NOL12: variants seen among roughly 807,000 people sequenced by gnomAD.
NOL12 encodes nucleolar protein 12.
A neutral mutation model predicts 25.2 loss-of-function variants in NOL12; 21 were observed. The observed-to-expected ratio is 0.83, with a 90% CI of 0.59 to 1.20. The LOEUF (loss-of-function observed/expected upper bound fraction) is 1.20, where lower values mean the gene tolerates loss of function less well. NOL12 is among the 50% of genes most tolerant of loss of function. NOL12 has a pLI of 0.00. For missense variants in NOL12, 286 were observed against 287.6 expected, an observed-to-expected ratio of 0.99 and a Z score of 0.04; for synonymous variants, 133 against 113.8, an observed-to-expected ratio of 1.17 and a Z score of -1.08.
Position 37,691,540 on chromosome 22 carries a change from A to C in NOL12, c.*204A>C. 1 of 586,074 alleles carries C rather than the reference A, an allele frequency of 1.7e-6. No homozygotes were observed. The highest frequency in any genetic ancestry group is 2.8e-6 in the Non-Finnish European group (1 of 363,020). The allele number at this position is 586,074 out of a possible 1,614,324, so 36.3% of individuals were successfully genotyped here. A position where few individuals can be genotyped will look rare whatever the true frequency, so the allele number is the denominator to read the frequency against. Reference sequence around the variant, plus strand: ...GGTTTGAATTCCCGAAGGAGCAGGCAGCTGAGAGCAGGCCTCCCCCAGGAA... The same window carrying C: ...GGTTTGAATTCCCGAAGGAGCAGGCCGCTGAGAGCAGGCCTCCCCCAGGAA... On this transcript the variant is annotated 3_prime_UTR_variant, in exon 6 of 6. Transcript: ENST00000359114.
intron 2 of NOL12, 91 bp downstream of exon 2, chr22:37,688,106 G>T: frequency 1.6e-6 from 2 of 1,231,444 alleles, no homozygotes; most frequent in Non-Finnish European, 2.3e-6. Context: ...CTGGCATGGG[G>T]CGATGTGTGT....
At position 37,692,363 on chromosome 22, in the gene NOL12, A is replaced by AT. The variant is rs1922108814; in HGVS notation, c.*1027_*1028insT. On this transcript the variant is annotated 3_prime_UTR_variant, in exon 6 of 6. Transcript: ENST00000359114. ...CGTTGTGACCTTGTCTCAAAAAAAA[A>AT]CTAAAAAATAAAGCAGTTGCATCTT... is the stretch of plus-strand genomic sequence containing the variant. The AT allele has an allele frequency of 2.5e-6, 1 of 397,548 alleles. No individual in the cohort carries two copies. Among genetic ancestry groups the AT allele is most frequent in the Non-Finnish European group, 4.4e-6 (1 of 225,920 alleles). The allele number at this position is 397,548 out of a possible 1,614,324, so 24.6% of individuals were successfully genotyped here.
intron 1 of NOL12, chr22:37,686,757 C>G (rs557280444): frequency 2.0e-6 from 2 of 985,468 alleles, no homozygotes; most frequent in African/African-American, 3.5e-5. Context: ...CCAGCCCAGT[C>G]CATCGGTCCG....
Position 37,692,476 on chromosome 22 carries a change from A to G in NOL12, c.*1140A>G. 2 of 398,712 alleles carry G rather than the reference A, an allele frequency of 5.0e-6. No individual in the cohort carries two copies. Among genetic ancestry groups the G allele is most frequent in the Non-Finnish European group, 8.8e-6 (2 of 226,116 alleles). The allele number at this position is 398,712 out of a possible 1,614,324, so 24.7% of individuals were successfully genotyped here. Reference sequence around the variant, plus strand: ...GGGGCCATGTCTTCACACTCCTTCCAGATGGATGAGTTGATGGAAACCCTG... The same window carrying G: ...GGGGCCATGTCTTCACACTCCTTCCGGATGGATGAGTTGATGGAAACCCTG... On this transcript the variant is annotated 3_prime_UTR_variant, in exon 6 of 6. Coordinates refer to ENST00000359114, the MANE Select transcript of NOL12 (RefSeq NM_024313.3).
In NOL12 at chr22:37,691,663, C is replaced by T. The variant is rs1452100774; in HGVS notation, c.*327C>T. 2 of 225,830 alleles carry T rather than the reference C, an allele frequency of 8.9e-6. No homozygotes were observed. The highest frequency in any genetic ancestry group is 1.7e-5 in the Non-Finnish European group (2 of 120,010). 14.0% of individuals were successfully genotyped at this position (225,830 alleles called of 1,614,324 possible). ...TGTGATTTGTTTGTCCTTGATACCA[C>T]GCACAAGGGCAGGTTTTTGGGGTGG... On this transcript the variant is annotated 3_prime_UTR_variant, in exon 6 of 6. Coordinates refer to ENST00000359114, the MANE Select transcript of NOL12 (RefSeq NM_024313.3).
intron 2 of NOL12, 103 bp downstream of exon 2, chr22:37,688,118 T>G: frequency 8.9e-7 from 1 of 1,126,968 alleles, no homozygotes; most frequent in African/African-American, 1.5e-5. Context: ...GATGTGTGTG[T>G]GGGCAGGACT....
At position 37,692,875 on chromosome 22, in the gene NOL12, A is replaced by G. The variant is rs1306728442; in HGVS notation, c.*1539A>G. On this transcript the variant is annotated 3_prime_UTR_variant, in exon 6 of 6. Coordinates refer to ENST00000359114, the MANE Select transcript of NOL12 (RefSeq NM_024313.3). ...TGGGCAGGCCCTCTCCCATGTCACC[A>G]TCAAAACCCACTGATGAAGGCTGGT... is the stretch of plus-strand genomic sequence containing the variant. 1.3e-5 allele frequency: 5 copies of G among 396,566 alleles called. No individual in the cohort carries two copies. In the Admixed American group the frequency reaches 1.8e-4, roughly 14 times the overall value. The allele number at this position is 396,566 out of a possible 1,614,324, so 24.6% of individuals were successfully genotyped here.
chr22:37,688,112 T>C, intron 2 of NOL12, 97 bp downstream of exon 2: 6 of 1,175,838 alleles, frequency 5.1e-6, no homozygotes, highest in Non-Finnish European at 7.4e-6. Context: ...TGGGGCGATG[T>C]GTGTGTGGGC....
At position 37,687,891 on chromosome 22, in the gene NOL12, G is replaced by C; in HGVS notation, c.84-19G>C. 1.3e-6 allele frequency: 2 copies of C among 1,546,368 alleles called. No homozygotes were observed. Among genetic ancestry groups the C allele is most frequent in the South Asian group, 2.4e-5 (2 of 83,996 alleles). ...CTTGTATAATGACTCTCCTGTCTCT[G>C]CCGGCTTCCTTCCTGTAGGGAGTAC... On this transcript the variant is annotated intron_variant, in intron 1 of 5. Coordinates refer to ENST00000359114, the MANE Select transcript of NOL12 (RefSeq NM_024313.3).
intron 4 of NOL12, 33 bp from the exon 5 acceptor site, chr22:37,690,664 C>T: frequency 1.9e-6 from 3 of 1,546,264 alleles, no homozygotes; most frequent in Non-Finnish European, 2.7e-6. Context: ...CCAGCTACTG[C>T]TCCATGTAAG....
intron 2 of NOL12, 37 bp from the exon 3 acceptor site, chr22:37,688,275 G>A (rs1332135540): frequency 6.2e-7 from 1 of 1,608,482 alleles, no homozygotes; most frequent in Non-Finnish European, 8.5e-7. Flanking sequence ...GGACTGAGAG[G>A]CCATACTCAC....
rs760010481 is a variant in NOL12, at chr22:37,686,354, A to G, written c.-39A>G. On this transcript the variant is annotated 5_prime_UTR_variant, in exon 1 of 6. Coordinates refer to ENST00000359114, the MANE Select transcript of NOL12 (RefSeq NM_024313.3). ...GGGAGGATGAGTACGCTACACCCGG[A>G]AGTGTCTTCAGGGAGAGGAAGCCGG... The G allele has an allele frequency of 1.3e-6, 2 of 1,564,796 alleles. No homozygotes were observed. The highest frequency in any genetic ancestry group is 1.7e-6 in the Non-Finnish European group (2 of 1,158,920).
Position 37,688,864 on chromosome 22 carries a change from C to A in NOL12, c.253C>A (p.Leu85Met), listed in dbSNP as rs923568409. 3 of 1,613,960 alleles carry A rather than the reference C, an allele frequency of 1.9e-6. No homozygotes were observed. In the African/African-American group the frequency reaches 4.0e-5, roughly 22 times the overall value. ...CACCCCCACAGAGGAGGCAGATGAGCTGGACCGGTTGGTGACAGCAAAGAC... is the reference window on the plus strand; with the variant it reads ...CACCCCCACAGAGGAGGCAGATGAGATGGACCGGTTGGTGACAGCAAAGAC... Reference protein sequence around the residue: ...REEALEEADELDRLVTAKTES... With the variant: ...REEALEEADEMDRLVTAKTES... Residue 85 changes from leucine to methionine, a missense_variant, in exon 4 of 6, where the codon CTG becomes ATG. Transcript: ENST00000359114.
rs1222261532 is a variant in NOL12, at chr22:37,692,364, C to A, written c.*1028C>A. 2.3e-5 allele frequency: 9 copies of A among 397,116 alleles called. No individual in the cohort carries two copies. The East Asian group carries it at 3.2e-4, about 14-fold the overall frequency. 24.6% of individuals were successfully genotyped at this position (397,116 alleles called of 1,614,324 possible). On this transcript the variant is annotated 3_prime_UTR_variant, in exon 6 of 6. Coordinates refer to ENST00000359114, the MANE Select transcript of NOL12 (RefSeq NM_024313.3). Reference sequence around the variant, plus strand: ...GTTGTGACCTTGTCTCAAAAAAAAACTAAAAAATAAAGCAGTTGCATCTTG... The same window carrying A: ...GTTGTGACCTTGTCTCAAAAAAAAAATAAAAAATAAAGCAGTTGCATCTTG...
Position 37,691,460 on chromosome 22 carries a change from AC to A in NOL12, c.*126del, listed in dbSNP as rs1172105059. Reference sequence around the variant, plus strand: ...CACAGCTCAAGGTTGGGAAGCCAGGACCTCTCTGGCCTGGGGCCAGCTGCCT... The same window carrying A: ...CACAGCTCAAGGTTGGGAAGCCAGGACTCTCTGGCCTGGGGCCAGCTGCCT... On this transcript the variant is annotated 3_prime_UTR_variant, in exon 6 of 6. Coordinates refer to ENST00000359114, the MANE Select transcript of NOL12 (RefSeq NM_024313.3). The A allele has an allele frequency of 5.4e-5, 62 of 1,150,962 alleles. 1 individual carries two copies. In the East Asian group the frequency reaches 1.9e-3, roughly 35 times the overall value. The allele number at this position is 1,150,962 out of a possible 1,614,324, so 71.3% of individuals were successfully genotyped here. A position where few individuals can be genotyped will look rare whatever the true frequency, so the allele number is the denominator to read the frequency against.
At chr22:37,686,674 C>T in intron 1 of NOL12, 199 bp downstream of exon 1, 1 of 985,454 alleles carries the variant, frequency 1.0e-6, no homozygotes, top group Non-Finnish European at 1.2e-6. Flanking sequence ...ACCTCCCCAC[C>T]TCGCCTAGTG....
chr22:37,687,571 G>C (rs181911399), intron 1 of NOL12, among the ~76,000 whole-genome samples: 1,880 of 152,056 alleles, frequency 0.012, 26 homozygotes, highest in Non-Finnish European at 0.018. Context: ...AATTCTCCCC[G>C]CTCAGCCTCC....
chr22:37,689,507 G>T (rs986197300), intron 4 of NOL12, among the ~76,000 whole-genome samples: 4 of 152,144 alleles, frequency 2.6e-5, no homozygotes, highest in African/African-American at 9.7e-5. Context: ...CCTGTGGGTT[G>T]TGAATCATGA....
At position 37,691,461 on chromosome 22, in the gene NOL12, CCT is replaced by C. The variant is rs1382720682; in HGVS notation, c.*130_*131del. 3 of 1,124,614 alleles carry C rather than the reference CCT, an allele frequency of 2.7e-6. No homozygotes were observed. In the African/African-American group the frequency reaches 4.8e-5, roughly 18 times the overall value. 69.7% of individuals were successfully genotyped at this position (1,124,614 alleles called of 1,614,324 possible). A position where few individuals can be genotyped will look rare whatever the true frequency, so the allele number is the denominator to read the frequency against. On this transcript the variant is annotated 3_prime_UTR_variant, in exon 6 of 6. Transcript: ENST00000359114. ...ACAGCTCAAGGTTGGGAAGCCAGGA[CCT>C]CTCTGGCCTGGGGCCAGCTGCCTTT...
Sources: allele counts gnomAD v4.1 joint callset (sites outside exome capture counted in the v4.1 genomes callset), GRCh38; gene constraint gnomAD v4.1.1; transcripts MANE v1.5; gene names NCBI Gene and HGNC (gene_info 2026-07-23, HGNC 2026-07-21).